The following POU2F2 variants were observed in gnomAD, a reference collection of about 807,000 sequenced individuals.
POU2F2 encodes the protein POU class 2 homeobox 2.
POU2F2 carries 14 observed loss-of-function variants against 63.5 expected under a neutral mutation model. That is an observed-to-expected ratio of 0.22 (90% CI 0.15 to 0.34). The LOEUF (loss-of-function observed/expected upper bound fraction) is 0.34, where lower values mean the gene tolerates loss of function less well. POU2F2 is among the 10% of genes least tolerant of loss of function. POU2F2 has a pLI of 1.00. For synonymous variants in POU2F2, 306 were observed against 348.6 expected (o/e 0.88, Z 1.36); for missense variants, 607 against 815.2 (o/e 0.74, Z 3.11).
upstream of POU2F2, among the ~76,000 whole-genome samples, chr19:42,179,717 G>A (rs1337917615): frequency 7.1e-6 from 1 of 141,476 alleles, no homozygotes; most frequent in East Asian, 2.1e-4. Flanking sequence ...TATGGAGAAC[G>A]CTCCCAAGAC....
At chr19:42,172,927 A>T (rs2034799136) in intron 1 of POU2F2, among the ~76,000 whole-genome samples, 1 of 152,162 alleles carries the variant, frequency 6.6e-6, no homozygotes, top group African/African-American at 2.4e-5. Context: ...GATAGGACAG[A>T]CCTATAAGGA....
chr19:42,103,718 C>T (rs1361596462), intron 5 of POU2F2, among the ~76,000 whole-genome samples: 5 of 149,554 alleles, frequency 3.3e-5, no homozygotes, highest in African/African-American at 5.0e-5. Context: ...CTGCAAGCTC[C>T]GCCTCCCAGG....
At chr19:42,190,320 T>TATA (rs2035062310) in intron 1 of POU2F2, among the ~76,000 whole-genome samples, 1 of 151,996 alleles carries the variant, frequency 6.6e-6, no homozygotes, top group Non-Finnish European at 1.5e-5. Flanking sequence ...AACCTATATA[T>TATA]ATATATATGT....
intron 5 of POU2F2, among the ~76,000 whole-genome samples, chr19:42,103,540 G>A (rs1206252352): frequency 6.6e-6 from 1 of 151,758 alleles, no homozygotes; most frequent in Non-Finnish European, 1.5e-5. Flanking sequence ...TCTTCCCAAT[G>A]CTATTATTCC....
chr19:42,116,791 TCAC>T (rs1345629246), intron 5 of POU2F2: 1 of 358,092 alleles, frequency 2.8e-6, no homozygotes, highest in Non-Finnish European at 5.5e-6. Flanking sequence ...TGGTGGCAGG[TCAC>T]CCCCCCCAGA....
At chr19:42,094,913 C>A (rs1227949773) in intron 11 of POU2F2, among the ~76,000 whole-genome samples, 2 of 152,172 alleles carry the variant, frequency 1.3e-5, no homozygotes, top group South Asian at 2.1e-4. Context: ...TGAGAGTACA[C>A]CCATGGGTGT....
intron 2 of POU2F2, among the ~76,000 whole-genome samples, chr19:42,141,636 C>T (rs1326303140): frequency 6.6e-6 from 1 of 152,026 alleles, no homozygotes; most frequent in Admixed American, 6.6e-5. Flanking sequence ...CATGCACCAC[C>T]ACACCTGGCT....
At chr19:42,177,020 G>T, upstream of POU2F2, 1 of 151,940 alleles carries the variant, frequency 6.6e-6, no homozygotes, top group South Asian at 1.8e-4. Context: ...CGGCGCGGGC[G>T]GGCGGGCGGG....
intron 5 of POU2F2, chr19:42,116,937 G>T: frequency 1.8e-6 from 1 of 566,562 alleles, no homozygotes; most frequent in South Asian, 1.5e-5. Flanking sequence ...GCTGCACGGC[G>T]GCGGCCAGGA....
chr19:42,134,194 A>C (rs539655981), upstream of POU2F2, among the ~76,000 whole-genome samples: 26 of 142,992 alleles, frequency 1.8e-4, no homozygotes, highest in East Asian at 5.8e-3. Context: ...GGGGGCTTGG[A>C]AATGGGGCTA....
chr19:42,108,699 G>A (rs968083244), intron 5 of POU2F2, among the ~76,000 whole-genome samples: 1 of 152,220 alleles, frequency 6.6e-6, no homozygotes, highest in African/African-American at 2.4e-5. Flanking sequence ...ACAATCCAGC[G>A]GCAGCATGGC....
At position 42,087,458 on chromosome 19, in the gene POU2F2, A is replaced by C. The variant is rs2076584973; in HGVS notation, c.*3799T>G. The C allele has an allele frequency of 6.6e-6, 1 of 151,770 alleles. No individual in the cohort carries two copies. Among genetic ancestry groups the C allele is most frequent in the African/African-American group, 2.4e-5 (1 of 41,248 alleles). 9.4% of individuals were successfully genotyped at this position (151,770 alleles called of 1,614,324 possible). A position where few individuals can be genotyped will look rare whatever the true frequency, so the allele number is the denominator to read the frequency against. ...CTCCAGGGAGATGGATGGAAAACTC[A>C]TATCCTTCCCCTCCTCCTGATCTCA... On this transcript the variant is annotated 3_prime_UTR_variant, in exon 15 of 15. Coordinates refer to ENST00000692977, the MANE Select transcript of POU2F2 (RefSeq NM_001394376.1).
At chr19:42,132,966 G>A (rs2033868948), upstream of POU2F2, 1 of 152,580 alleles carries the variant, frequency 6.6e-6, no homozygotes, top group South Asian at 2.1e-4. Flanking sequence ...GAGCCAAGAA[G>A]CGTTGAAGCT....
intron 1 of POU2F2, among the ~76,000 whole-genome samples, chr19:42,185,533 C>T (rs2035003565): frequency 6.6e-6 from 1 of 152,182 alleles, no homozygotes; most frequent in Non-Finnish European, 1.5e-5. Flanking sequence ...TGCAACCACA[C>T]CAAACCACCA....
chr19:42,150,565 G>A (rs974916107), intron 2 of POU2F2, among the ~76,000 whole-genome samples: 1 of 151,100 alleles, frequency 6.6e-6, no homozygotes, highest in African/African-American at 2.4e-5. Context: ...GGGCCGGCAG[G>A]GGGGACGCGG....
chr19:42,105,988 G>A (rs1310114136), intron 5 of POU2F2, among the ~76,000 whole-genome samples: 1 of 140,522 alleles, frequency 7.1e-6, no homozygotes, highest in Non-Finnish European at 1.6e-5. Context: ...ATGATATATA[G>A]GATCTTTCTT....
In POU2F2 at chr19:42,094,075, C is replaced by G. The variant is rs75397601; in HGVS notation, c.1198-180G>C. Among the ~76,000 whole-genome samples the G allele has an allele frequency of 6.0e-4, 91 of 152,326 alleles. 1 individual carries two copies. The East Asian group carries it at 0.015, about 25-fold the overall frequency. ...GCCCTAGCTGATCCTGAGCCACAAG[C>G]AGGAAGGGCTAATTCTCCATTGAGA... On this transcript the variant is annotated intron_variant, in intron 11 of 14. Coordinates refer to ENST00000692977, the MANE Select transcript of POU2F2 (RefSeq NM_001394376.1).
At position 42,117,280 on chromosome 19, in the gene POU2F2, T is replaced by C; in HGVS notation, c.339A>G (p.Gln113=). 1 of 1,493,954 alleles carries C rather than the reference T, an allele frequency of 6.7e-7. No individual in the cohort carries two copies. Among genetic ancestry groups the C allele is most frequent in the Non-Finnish European group, 8.9e-7 (1 of 1,128,288 alleles). 92.5% of individuals were successfully genotyped at this position (1,493,954 alleles called of 1,614,324 possible). The change falls in exon 5 of 15, where the codon CAA becomes CAG. Residue 113 remains glutamine (Q), a synonymous_variant. Coordinates refer to ENST00000692977, the MANE Select transcript of POU2F2 (RefSeq NM_001394376.1). The surrounding 1 kb of genome is among the most constrained non-coding windows in gnomAD (Gnocchi z 4.4). The stretch of plus-strand genomic sequence containing the variant: ...CTAGCTGGCTGCCCGTCAACATGAG[T>C]TGGGCCTGGGGCAGATGAGGCTGGG... ...QPAQPHLPQA[Q]LMLTGSQLAG... is the part of the protein sequence containing the mutation.
intron 1 of POU2F2, among the ~76,000 whole-genome samples, chr19:42,184,351 G>A (rs970900429): frequency 4.6e-5 from 7 of 152,044 alleles, no homozygotes; most frequent in East Asian, 1.9e-4. Context: ...CCTTCCTGCC[G>A]CCCTTCCCAG....
Sources: gnomAD v4.1 joint callset for allele counts (sites outside exome capture counted in the v4.1 genomes callset) on GRCh38, gnomAD v4.1.1 for gene constraint, Gnocchi (gnomAD v3.1) non-coding constraint, MANE v1.5 for transcripts, NCBI Gene and HGNC (gene_info 2026-07-23, HGNC 2026-07-21) for gene names.